The following NFYC variants were observed in gnomAD, a reference collection of about 807,000 sequenced individuals.
The protein encoded by NFYC is CAAT box DNA-binding protein subunit C.
In NFYC, 25 loss-of-function variants were observed where a neutral mutation model predicts 53.1. That is an observed-to-expected ratio of 0.47 (90% CI 0.34 to 0.66). The LOEUF (loss-of-function observed/expected upper bound fraction) is 0.66, where lower values mean the gene tolerates loss of function less well. Ranked by LOEUF, NFYC falls within the 30% of genes least tolerant of loss-of-function variation. The pLI is 0.01. For missense variants in NFYC, 260 were observed against 422.7 expected (o/e 0.62, Z 3.38); for synonymous variants, 145 against 152.6 (o/e 0.95, Z 0.37).
At chr1:40,755,004 T>C (rs1646133667) in intron 5 of NFYC, among the ~76,000 whole-genome samples, 2 of 152,244 alleles carry the variant, frequency 1.3e-5, no homozygotes, top group Admixed American at 6.5e-5. Context: ...TGCTGAAAGC[T>C]GGCCTGAAAT....
intron 1 of NFYC, among the ~76,000 whole-genome samples, chr1:40,706,138 C>A (rs1238213198): frequency 4.6e-5 from 7 of 151,800 alleles, no homozygotes; most frequent in Non-Finnish European, 2.9e-5. Context: ...TGGATGTGCC[C>A]TGAGGTGCTC....
chr1:40,715,777 A>T (rs1214800802), intron 1 of NFYC, among the ~76,000 whole-genome samples: 1 of 152,224 alleles, frequency 6.6e-6, no homozygotes, highest in Admixed American at 6.5e-5. Flanking sequence ...AGGATAAGGA[A>T]TGAAGGTAAA....
At chr1:40,698,491 A>C (rs1285108039) in intron 1 of NFYC, among the ~76,000 whole-genome samples, 1 of 151,020 alleles carries the variant, frequency 6.6e-6, no homozygotes, top group Non-Finnish European at 1.5e-5. Context: ...CAGTGACATG[A>C]CCTCGGCTCA....
rs1423501183 is a variant in NFYC, at chr1:40,758,207, GGGCCAGCAGCAA to G, written c.484_495del (p.Gln162_Gln165del). The G allele has an allele frequency of 3.7e-6, 6 of 1,613,094 alleles. No individual in the cohort carries two copies. The highest frequency in any genetic ancestry group is 1.3e-5 in the African/African-American group (1 of 74,888). On this transcript the variant is annotated inframe_deletion, in exon 6 of 10. Coordinates refer to ENST00000447388, the MANE Select transcript of NFYC (RefSeq NM_014223.5). Reference sequence around the variant, plus strand: ...AGCAACCCACCGCTGTCCAAGTCCAGGGCCAGCAGCAAGGCCAGCAGACCACCAGCTCCACGA... The same window carrying G: ...AGCAACCCACCGCTGTCCAAGTCCAGGGCCAGCAGACCACCAGCTCCACGA...
At chr1:40,738,549 T>G (rs1344313814) in intron 1 of NFYC, among the ~76,000 whole-genome samples, 3 of 152,228 alleles carry the variant, frequency 2.0e-5, no homozygotes, top group African/African-American at 7.2e-5. Context: ...TTAAAAGTCC[T>G]TGATTAACAT....
chr1:40,746,933 C>T (rs1181988365), intron 2 of NFYC, among the ~76,000 whole-genome samples: 2 of 152,114 alleles, frequency 1.3e-5, no homozygotes, highest in Non-Finnish European at 2.9e-5. Flanking sequence ...TCCTCTACCC[C>T]CACTTGAAAC....
At chr1:40,755,623 T>C (rs1242724598) in intron 5 of NFYC, among the ~76,000 whole-genome samples, 1 of 152,240 alleles carries the variant, frequency 6.6e-6, no homozygotes, top group Non-Finnish European at 1.5e-5. Context: ...ATTTCCTTGC[T>C]GGCTTGACCT....
chr1:40,762,950 A>G lies in NFYC; in HGVS notation c.624A>G (p.Pro208=). 1 of 1,611,794 alleles carries G rather than the reference A, an allele frequency of 6.2e-7. No homozygotes were observed. The highest frequency in any genetic ancestry group is 8.5e-7 in the Non-Finnish European group (1 of 1,178,782). Residue 208 remains proline (P), a synonymous_variant, in exon 7 of 10, where the codon CCA becomes CCG. Coordinates refer to ENST00000447388, the MANE Select transcript of NFYC (RefSeq NM_014223.5). ...AGGTGCAGATTGTCCAGGCTCAGCC[A>G]CAGGGTCAAGCCCAACAGGCCCAGA... ...GQQVQIVQAQ[P]QGQAQQAQSG... is the part of the protein sequence containing the mutation.
chr1:40,695,973 TCA>T (rs763566435), intron 1 of NFYC, among the ~76,000 whole-genome samples: 2 of 151,658 alleles, frequency 1.3e-5, no homozygotes, highest in Non-Finnish European at 1.5e-5. Flanking sequence ...GCTTAAGTTC[TCA>T]CAGCCAGTAA....
At chr1:40,706,187 C>T (rs577930934) in intron 1 of NFYC, among the ~76,000 whole-genome samples, 1 of 152,146 alleles carries the variant, frequency 6.6e-6, no homozygotes, top group Admixed American at 6.5e-5. Context: ...GGAAAGAGTA[C>T]CACTCTCGGT....
chr1:40,707,471 C>G (rs1285219007), intron 1 of NFYC, among the ~76,000 whole-genome samples: 1 of 130,878 alleles, frequency 7.6e-6, no homozygotes, highest in Admixed American at 7.9e-5. Flanking sequence ...CAGAGTGAGA[C>G]TCCATCTCCA....
chr1:40,751,728 A>G (rs1439914821), intron 4 of NFYC, among the ~76,000 whole-genome samples: 1 of 152,184 alleles, frequency 6.6e-6, no homozygotes, highest in Non-Finnish European at 1.5e-5. Flanking sequence ...ATGTTTCCAA[A>G]ATACTCTAGA....
intron 1 of NFYC, among the ~76,000 whole-genome samples, chr1:40,707,629 A>C (rs773641584): frequency 8.6e-5 from 13 of 151,334 alleles, no homozygotes; most frequent in African/African-American, 3.2e-4. Flanking sequence ...CATGGTGAGA[A>C]CCCATCTCTA....
chr1:40,695,319 A>G (rs564810619), intron 1 of NFYC, among the ~76,000 whole-genome samples: 12 of 152,342 alleles, frequency 7.9e-5, no homozygotes, highest in African/African-American at 2.4e-4. Flanking sequence ...TTTCAGAGAA[A>G]TGAAGGCAAA....
intron 6 of NFYC, 42 bp downstream of exon 6, chr1:40,758,336 C>T (rs16827552): frequency 0.24 from 367,864 of 1,553,082 alleles, 47,015 homozygotes; most frequent in East Asian, 0.4. Flanking sequence ...AAGACAGTGC[C>T]CCTTAGGTTT....
chr1:40,700,821 C>T (rs1643397769), intron 1 of NFYC, among the ~76,000 whole-genome samples: 1 of 152,072 alleles, frequency 6.6e-6, no homozygotes, highest in South Asian at 2.1e-4. Flanking sequence ...TCAGTGTCTT[C>T]ACTACTGCAT....
At chr1:40,750,366 T>C (rs1645846211) in intron 4 of NFYC, among the ~76,000 whole-genome samples, 1 of 152,208 alleles carries the variant, frequency 6.6e-6, no homozygotes, top group Non-Finnish European at 1.5e-5. Flanking sequence ...TTTTCTCTTC[T>C]TGTTTCCCTT....
At chr1:40,746,130 C>G (rs1645595547) in intron 2 of NFYC, among the ~76,000 whole-genome samples, 1 of 152,178 alleles carries the variant, frequency 6.6e-6, no homozygotes, top group African/African-American at 2.4e-5. Flanking sequence ...GCTACTGTTT[C>G]CTTTTGTTGA....
intron 2 of NFYC, among the ~76,000 whole-genome samples, chr1:40,746,695 A>T (rs897562681): frequency 3.3e-5 from 5 of 152,144 alleles, no homozygotes; most frequent in Non-Finnish European, 7.4e-5. Context: ...TTTTTCCTAG[A>T]ATTGCATCCA....
Sources: gnomAD v4.1 joint callset for allele counts (sites outside exome capture counted in the v4.1 genomes callset) on GRCh38, gnomAD v4.1.1 for gene constraint, MANE v1.5 for transcripts, NCBI Gene and HGNC (gene_info 2026-07-23, HGNC 2026-07-21) for gene names.